Variants in AFG1L observed in about 807,000 individuals in gnomAD.
AFG1L encodes the protein AFG1 like ATPase.
Under a neutral mutation model 62.2 loss-of-function variants are expected in AFG1L, and 53 were observed. The ratio of observed to expected loss-of-function variants is 0.85; its 90% confidence interval spans 0.68 to 1.07. The LOEUF (loss-of-function observed/expected upper bound fraction) is 1.07. Ranked by LOEUF, AFG1L falls within the 50% of genes least tolerant of loss-of-function variation. The pLI, the probability that AFG1L is intolerant of heterozygous loss-of-function variation, is 0.00. For missense variants in AFG1L, 555 were observed against 590.5 expected, an observed-to-expected ratio of 0.94 and a Z score of 0.62; for synonymous variants, 228 against 210.3, an observed-to-expected ratio of 1.08 and a Z score of -0.73.
rs753759286 is a variant in AFG1L at position 108,476,940 on chromosome 6, G to A, written c.961+5G>A. 5.0e-6 allele frequency: 8 copies of A among 1,611,470 alleles called. No individual in the cohort carries two copies. Among genetic ancestry groups the A allele is most frequent in the African/African-American group, 1.3e-5 (1 of 75,006 alleles). ...TGGCTCAGAAACAAAATGATTGTAC[G>A]TAAGTTAATTTCTCTTGAAAGAGAA... On this transcript the variant is annotated splice_donor_5th_base_variant and intron_variant, in intron 9 of 12. Transcript: ENST00000368977.
At chr6:108,306,051 C>A (rs1310518481) in intron 1 of AFG1L, among the ~76,000 whole-genome samples, 1 of 152,064 alleles carries the variant, frequency 6.6e-6, no homozygotes, top group Non-Finnish European at 1.5e-5. Context: ...CTACAGGTGC[C>A]TGTCACCACG....
intron 10 of AFG1L, among the ~76,000 whole-genome samples, chr6:108,506,868 T>G (rs1262826983): frequency 6.6e-6 from 1 of 152,250 alleles, no homozygotes; most frequent in Non-Finnish European, 1.5e-5. Flanking sequence ...GCCAACTGAA[T>G]TGTTTTTCTT....
intron 8 of AFG1L, among the ~76,000 whole-genome samples, chr6:108,460,204 C>A (rs946910423): frequency 1.3e-5 from 2 of 150,672 alleles, no homozygotes; most frequent in African/African-American, 4.9e-5. Flanking sequence ...ATGGCTTTAT[C>A]AAGATGCAAT....
intron 7 of AFG1L, among the ~76,000 whole-genome samples, chr6:108,408,076 T>A (rs1781937962): frequency 6.6e-6 from 1 of 152,132 alleles, no homozygotes; most frequent in African/African-American, 2.4e-5. Context: ...TCAAATTTTA[T>A]TTTGGCAAGT....
chr6:108,516,890 C>T (rs1259036904), intron 11 of AFG1L, among the ~76,000 whole-genome samples: 1 of 152,132 alleles, frequency 6.6e-6, no homozygotes, highest in Admixed American at 6.6e-5. Flanking sequence ...CATGAGTGAA[C>T]TCCCATTCAC....
intron 7 of AFG1L, among the ~76,000 whole-genome samples, chr6:108,443,383 A>G (rs1771626628): frequency 6.6e-6 from 1 of 152,228 alleles, no homozygotes; most frequent in South Asian, 2.1e-4. Flanking sequence ...AGCTGCCTCA[A>G]GTGTCACCTA....
chr6:108,454,891 G>A (rs1170232315), intron 8 of AFG1L, among the ~76,000 whole-genome samples: 2 of 151,996 alleles, frequency 1.3e-5, no homozygotes, highest in African/African-American at 4.8e-5. Flanking sequence ...CGCCTGCCTC[G>A]GCCTCCCAAA....
intron 10 of AFG1L, among the ~76,000 whole-genome samples, chr6:108,493,710 T>C (rs1162849148): frequency 1.3e-5 from 2 of 152,226 alleles, no homozygotes; most frequent in Non-Finnish European, 2.9e-5. Context: ...ATTCCACTAA[T>C]TTTTACCATG....
chr6:108,414,539 C>A (rs188126580), intron 7 of AFG1L, among the ~76,000 whole-genome samples: 1 of 152,092 alleles, frequency 6.6e-6, no homozygotes, highest in African/African-American at 2.4e-5. Flanking sequence ...ACTGGCAAAC[C>A]GAATCCAGCA....
intron 7 of AFG1L, among the ~76,000 whole-genome samples, chr6:108,419,859 T>C (rs1018112572): frequency 6.6e-6 from 1 of 152,328 alleles, no homozygotes; most frequent in Middle Eastern, 3.4e-3. Context: ...GATTTCCAGC[T>C]ACAAACTTTA....
intron 7 of AFG1L, among the ~76,000 whole-genome samples, chr6:108,413,064 G>A (rs554038696): frequency 2.2e-3 from 330 of 152,190 alleles, no homozygotes; most frequent in Admixed American, 3.4e-3. Flanking sequence ...TAAAAGGATG[G>A]AGGAAGATCT....
At chr6:108,299,479 G>T (rs1366371101) in intron 1 of AFG1L, among the ~76,000 whole-genome samples, 1 of 152,090 alleles carries the variant, frequency 6.6e-6, no homozygotes, top group African/African-American at 2.4e-5. Flanking sequence ...TAGGGCCAAA[G>T]GATTTTAGAG....
chr6:108,410,587 G>A (rs535308369), intron 7 of AFG1L, among the ~76,000 whole-genome samples: 32 of 152,286 alleles, frequency 2.1e-4, no homozygotes, highest in African/African-American at 4.6e-4. Flanking sequence ...ATAGTCCTTA[G>A]TGAAGTTTCC....
intron 1 of AFG1L, among the ~76,000 whole-genome samples, chr6:108,304,934 C>T (rs1386993461): frequency 6.6e-6 from 1 of 152,192 alleles, no homozygotes; most frequent in Non-Finnish European, 1.5e-5. Flanking sequence ...AGTGCTGGAT[C>T]AATCATTTGA....
Position 108,472,385 on chromosome 6 carries a change from G to A in AFG1L, c.891-4480G>A, listed in dbSNP as rs190038865. 1.7e-3 allele frequency among the ~76,000 whole-genome samples: 262 copies of A among 152,074 alleles called. 2 individuals are homozygous for A. The highest frequency in any genetic ancestry group is 2.9e-3 in the Non-Finnish European group (198 of 67,956). On this transcript the variant is annotated intron_variant, in intron 8 of 12. Transcript: ENST00000368977. ...AGAATAGATTTTAGGTGCTCTTACC[G>A]CCCCCAACCCCTCACACACAAAAGG...
intron 2 of AFG1L, among the ~76,000 whole-genome samples, chr6:108,332,854 G>T (rs1337409266): frequency 1.3e-5 from 2 of 152,108 alleles, no homozygotes; most frequent in Non-Finnish European, 2.9e-5. Flanking sequence ...CAATTCACCT[G>T]CCTCAGTCTT....
At chr6:108,363,569 A>G (rs531123500) in intron 5 of AFG1L, among the ~76,000 whole-genome samples, 1 of 152,216 alleles carries the variant, frequency 6.6e-6, no homozygotes, top group Admixed American at 6.5e-5. Context: ...TCCTCTTGGA[A>G]TATTTATGTT....
At chr6:108,430,772 G>A (rs111959769) in intron 7 of AFG1L, among the ~76,000 whole-genome samples, 1 of 152,180 alleles carries the variant, frequency 6.6e-6, no homozygotes, top group Non-Finnish European at 1.5e-5. Context: ...TTAAAAGGCA[G>A]TGGGGCATTT....
At chr6:108,404,277 G>T (rs559675690) in intron 7 of AFG1L, among the ~76,000 whole-genome samples, 5 of 152,226 alleles carry the variant, frequency 3.3e-5, no homozygotes, top group African/African-American at 9.6e-5. Flanking sequence ...AAACAAGATA[G>T]AAATTTGTTG....
Sources: gnomAD v4.1 joint callset for allele counts (sites outside exome capture counted in the v4.1 genomes callset) on GRCh38, gnomAD v4.1.1 for gene constraint, MANE v1.5 for transcripts, NCBI Gene and HGNC (gene_info 2026-07-23, HGNC 2026-07-21) for gene names.